Variants in ST3GAL3 observed in about 807,000 individuals in gnomAD.
ST3GAL3 encodes CMP-N-acetylneuraminate-beta-1,4-galactoside alpha-2,3-sialyltransferase.
Under a neutral mutation model 50.1 loss-of-function variants are expected in ST3GAL3, and 21 were observed. That is an observed-to-expected ratio of 0.42 (90% CI 0.30 to 0.60). The LOEUF is 0.60. ST3GAL3 is among the 20% of genes least tolerant of loss of function. The pLI, the probability that ST3GAL3 is intolerant of heterozygous loss-of-function variation, is 0.19. For missense variants in ST3GAL3, 353 were observed against 489.4 expected, an observed-to-expected ratio of 0.72 and a Z score of 2.63; for synonymous variants, 183 against 190.0, an observed-to-expected ratio of 0.96 and a Z score of 0.30.
At chr1:43,765,729 G>T (rs1008842986) in intron 2 of ST3GAL3, among the ~76,000 whole-genome samples, 1 of 140,718 alleles carries the variant, frequency 7.1e-6, no homozygotes, top group Non-Finnish European at 1.5e-5. Flanking sequence ...ACAATTTCAT[G>T]TGCATGTGTG....
At position 43,930,508 on chromosome 1, in the gene ST3GAL3, C is replaced by T. The variant is rs1056353488; in HGVS notation, c.*287C>T. On this transcript the variant is annotated 3_prime_UTR_variant, in exon 12 of 12. Transcript: ENST00000347631. ...GGACACTGGGCAGCAAGGCTGCTGCCGGAATCACTTCTCCAATCAGTGTTT... is the reference window on the plus strand; with the variant it reads ...GGACACTGGGCAGCAAGGCTGCTGCTGGAATCACTTCTCCAATCAGTGTTT... 1.8e-5 allele frequency: 10 copies of T among 543,224 alleles called. No individual in the cohort carries two copies. Among genetic ancestry groups the T allele is most frequent in the Admixed American group, 9.3e-5 (3 of 32,088 alleles). The allele number at this position is 543,224 out of a possible 1,614,324, so 33.7% of individuals were successfully genotyped here.
chr1:43,875,941 CTTCTTCTTCTTATTA>C (rs576265005), intron 5 of ST3GAL3, among the ~76,000 whole-genome samples: 739 of 45,652 alleles, frequency 0.016, 6 homozygotes, highest in East Asian at 0.046. Context: ...TCTTCTTCTT[CTTCTTCTTCTTATTA>C]TTATTATTAT....
intron 1 of ST3GAL3, 92 bp from the exon 2 acceptor site, chr1:43,736,141 A>T: frequency 1.6e-6 from 2 of 1,247,710 alleles, no homozygotes; most frequent in Admixed American, 1.7e-5. Flanking sequence ...GTTATTCTTC[A>T]TTTGGAAATT....
At chr1:43,911,637 AT>A (rs1198695645) in intron 9 of ST3GAL3, among the ~76,000 whole-genome samples, 4 of 150,484 alleles carry the variant, frequency 2.7e-5, no homozygotes, top group African/African-American at 7.4e-5. Context: ...AGATATCTAT[AT>A]CTATAGATAT....
chr1:43,853,631 G>A (rs182487322), intron 5 of ST3GAL3, among the ~76,000 whole-genome samples: 1 of 152,342 alleles, frequency 6.6e-6, no homozygotes, highest in East Asian at 1.9e-4. Context: ...TGCTGATGTA[G>A]AAATGGTTCT....
chr1:43,850,717 G>T, intron 5 of ST3GAL3: 1 of 741,410 alleles, frequency 1.3e-6, no homozygotes, highest in South Asian at 1.4e-5. Flanking sequence ...TGGTAGCCCA[G>T]CTCCGTCAGT....
At chr1:43,873,864 G>A (rs1221032034) in intron 5 of ST3GAL3, among the ~76,000 whole-genome samples, 1 of 152,094 alleles carries the variant, frequency 6.6e-6, no homozygotes, top group African/African-American at 2.4e-5. Flanking sequence ...GTGGGGTTCA[G>A]GGAAGAGGTC....
chr1:43,890,171 T>C (rs536880761), intron 5 of ST3GAL3, among the ~76,000 whole-genome samples: 2 of 152,352 alleles, frequency 1.3e-5, no homozygotes, highest in South Asian at 4.1e-4. Flanking sequence ...AAAAGTTGTT[T>C]AGGTGTGGTT....
intron 2 of ST3GAL3, among the ~76,000 whole-genome samples, chr1:43,739,688 G>A (rs980216663): frequency 3.9e-5 from 6 of 152,122 alleles, no homozygotes; most frequent in Non-Finnish European, 8.8e-5. Flanking sequence ...AGTTCTAAAA[G>A]AGCAATCTGT....
intron 1 of ST3GAL3, among the ~76,000 whole-genome samples, chr1:43,724,059 A>G (rs1433747825): frequency 2.0e-5 from 3 of 152,152 alleles, no homozygotes; most frequent in Non-Finnish European, 4.4e-5. Flanking sequence ...GCTGCTCTCT[A>G]TATTTAAAAT....
chr1:43,794,966 G>A (rs1304390805), intron 3 of ST3GAL3, among the ~76,000 whole-genome samples: 3 of 151,986 alleles, frequency 2.0e-5, no homozygotes, highest in South Asian at 2.1e-4. Context: ...GTTCAAGGGG[G>A]TATGTTGAGG....
intron 2 of ST3GAL3, among the ~76,000 whole-genome samples, chr1:43,766,778 A>G (rs1326228296): frequency 2.0e-5 from 3 of 152,180 alleles, no homozygotes; most frequent in Non-Finnish European, 4.4e-5. Flanking sequence ...GAAAATTAAC[A>G]ACACAGAGGT....
intron 9 of ST3GAL3, among the ~76,000 whole-genome samples, chr1:43,915,616 A>G (rs557325887): frequency 1.3e-5 from 2 of 152,278 alleles, no homozygotes; most frequent in South Asian, 2.1e-4. Context: ...AGTCTTAGAA[A>G]ATGGATGGGT....
intron 11 of ST3GAL3, among the ~76,000 whole-genome samples, chr1:43,925,591 CCT>C (rs1462672023): frequency 6.6e-6 from 1 of 152,184 alleles, no homozygotes; most frequent in Non-Finnish European, 1.5e-5. Flanking sequence ...GTTTAGAATC[CCT>C]CTGTTACCTG....
At chr1:43,913,630 A>G (rs1418657830) in intron 9 of ST3GAL3, 1 of 152,076 alleles carries the variant, frequency 6.6e-6, no homozygotes, top group Non-Finnish European at 1.5e-5. Context: ...CCCAAACCAT[A>G]TCTTGGTCTT....
intron 9 of ST3GAL3, among the ~76,000 whole-genome samples, chr1:43,917,459 TATATATAATATATAATATATATA>T (rs1287786613): frequency 2.9e-3 from 62 of 21,530 alleles, no homozygotes; most frequent in Non-Finnish European, 0.011. Context: ...TAATATATAA[TATATATAATATATAATATATATA>T]ATATATAATA....
chr1:43,835,961 TC>T (rs1282221863), intron 4 of ST3GAL3, among the ~76,000 whole-genome samples: 1 of 152,220 alleles, frequency 6.6e-6, no homozygotes, highest in Non-Finnish European at 1.5e-5. Flanking sequence ...TCCTGTGCCT[TC>T]CTCCGTGACC....
At chr1:43,750,416 A>C (rs982931697) in intron 2 of ST3GAL3, among the ~76,000 whole-genome samples, 1 of 152,222 alleles carries the variant, frequency 6.6e-6, no homozygotes, top group Non-Finnish European at 1.5e-5. Context: ...GAAACAACCT[A>C]AATTTCCATC....
At chr1:43,917,148 C>A (rs1208753643) in intron 9 of ST3GAL3, 1 of 151,686 alleles carries the variant, frequency 6.6e-6, no homozygotes, top group Non-Finnish European at 1.5e-5. Flanking sequence ...CTATAGCAGT[C>A]CAGGAGAATT....
Sources: allele counts gnomAD v4.1 joint callset (sites outside exome capture counted in the v4.1 genomes callset), GRCh38; gene constraint gnomAD v4.1.1; transcripts MANE v1.5; gene names NCBI Gene and HGNC (gene_info 2026-07-23, HGNC 2026-07-21).